MTUS2: variants seen among roughly 807,000 people sequenced by gnomAD.
MTUS2 encodes the protein microtubule associated scaffold protein 2.
A neutral mutation model predicts 114.1 loss-of-function variants in MTUS2; 40 were observed. The ratio of observed to expected loss-of-function variants is 0.35; its 90% CI spans 0.27 to 0.46. The LOEUF is 0.46. Ranked by LOEUF, MTUS2 falls within the 20% of genes least tolerant of loss-of-function variation. MTUS2 has a pLI of 1.00. For missense variants in MTUS2, 1,679 were observed against 1,705.4 expected, an observed-to-expected ratio of 0.98 and a Z score of 0.27; for synonymous variants, 688 against 672.0, an observed-to-expected ratio of 1.02 and a Z score of -0.37.
intron 3 of MTUS2, 120 bp downstream of exon 3, chr13:29,027,023 A>G: frequency 1.9e-6 from 2 of 1,074,156 alleles, no homozygotes; most frequent in East Asian, 5.2e-5. Context: ...TTTCATGGAT[A>G]CACTTGTGAA....
intron 5 of MTUS2, among the ~76,000 whole-genome samples, chr13:29,134,796 C>A (rs1322333529): frequency 6.6e-6 from 1 of 152,162 alleles, no homozygotes; most frequent in East Asian, 1.9e-4. Flanking sequence ...GGGGTTTCAC[C>A]ATTTTGGCCA....
chr13:28,997,079 G>T (rs1454809102), intron 2 of MTUS2, among the ~76,000 whole-genome samples: 1 of 152,120 alleles, frequency 6.6e-6, no homozygotes, highest in Non-Finnish European at 1.5e-5. Context: ...TGTCCCAGAG[G>T]TTCTGGTATG....
chr13:29,466,693 A>G (rs530223270), intron 9 of MTUS2, among the ~76,000 whole-genome samples: 3 of 152,144 alleles, frequency 2.0e-5, no homozygotes, highest in Admixed American at 1.3e-4. Context: ...CATAGGCAAC[A>G]TGGTGAAACC....
intron 9 of MTUS2, among the ~76,000 whole-genome samples, chr13:29,475,320 A>G (rs185421302): frequency 3.2e-4 from 49 of 152,384 alleles, no homozygotes; most frequent in Admixed American, 7.2e-4. Context: ...AATTATGTTT[A>G]GTACATAATA....
At chr13:29,343,500 A>C in intron 7 of MTUS2, among the ~76,000 whole-genome samples, 1 of 151,830 alleles carries the variant, frequency 6.6e-6, no homozygotes, top group African/African-American at 2.4e-5. Flanking sequence ...CAGTTATAGT[A>C]TCTCCTGTTT....
At chr13:28,870,279 TAAG>T (rs1877543519) in intron 2 of MTUS2, among the ~76,000 whole-genome samples, 1 of 152,198 alleles carries the variant, frequency 6.6e-6, no homozygotes, top group African/African-American at 2.4e-5. Context: ...CCTTAGATCT[TAAG>T]AAGGAATCCC....
intron 2 of MTUS2, among the ~76,000 whole-genome samples, chr13:28,924,577 A>G (rs1440566577): frequency 1.3e-5 from 2 of 152,180 alleles, no homozygotes; most frequent in African/African-American, 2.4e-5. Flanking sequence ...CTACGTGCAT[A>G]GGGAATAAAG....
intron 8 of MTUS2, among the ~76,000 whole-genome samples, chr13:29,392,231 T>C (rs898666557): frequency 2.6e-5 from 4 of 152,026 alleles, no homozygotes; most frequent in African/African-American, 7.2e-5. Context: ...CATTCCCCTC[T>C]TCCCGCAGCC....
chr13:29,379,114 A>G (rs1462408966), intron 8 of MTUS2, among the ~76,000 whole-genome samples: 1 of 152,214 alleles, frequency 6.6e-6, no homozygotes, highest in Non-Finnish European at 1.5e-5. Context: ...AGGCCTCCCC[A>G]GCCCTGCGGA....
chr13:29,154,580 G>T (rs1355996325), intron 5 of MTUS2, among the ~76,000 whole-genome samples: 1 of 152,168 alleles, frequency 6.6e-6, no homozygotes, highest in Non-Finnish European at 1.5e-5. Flanking sequence ...AGCTAACACT[G>T]GAATGCCAGA....
chr13:29,177,053 G>C (rs1476941443), intron 5 of MTUS2, among the ~76,000 whole-genome samples: 1 of 151,078 alleles, frequency 6.6e-6, no homozygotes, highest in African/African-American at 2.5e-5. Context: ...TCTCTTTCTA[G>C]ACTTGCTCAG....
chr13:29,453,747 C>T (rs1368125693), intron 9 of MTUS2, among the ~76,000 whole-genome samples: 2 of 144,222 alleles, frequency 1.4e-5, no homozygotes, highest in Admixed American at 1.4e-4. Context: ...GTTCTGTTTC[C>T]ATATGGCTAT....
intron 5 of MTUS2, among the ~76,000 whole-genome samples, chr13:29,177,515 T>C (rs969873313): frequency 1.3e-5 from 2 of 152,082 alleles, no homozygotes; most frequent in African/African-American, 4.8e-5. Flanking sequence ...ACTTCCCTAA[T>C]TGATCTCAGA....
At chr13:29,444,810 A>C (rs1196232175) in intron 9 of MTUS2, among the ~76,000 whole-genome samples, 1 of 152,142 alleles carries the variant, frequency 6.6e-6, no homozygotes, top group Non-Finnish European at 1.5e-5. Context: ...CAAAAGACAA[A>C]TTGTACCTGT....
intron 5 of MTUS2, among the ~76,000 whole-genome samples, chr13:29,276,766 T>G (rs1898079002): frequency 6.6e-6 from 1 of 151,950 alleles, no homozygotes; most frequent in African/African-American, 2.4e-5. Context: ...GCCATGGTGG[T>G]GGGCGCCTGT....
Position 29,340,040 on chromosome 13 carries a change from G to A in MTUS2, c.2905+15329G>A, listed in dbSNP as rs184060704. On this transcript the variant is annotated intron_variant, in intron 7 of 15. Transcript: ENST00000612955. ...GCCAAGTGTGCTGAGCTTGGTGACC[G>A]TTGGAATCAGGACGCCAGAAAGCGC... 1.6e-4 allele frequency among the ~76,000 whole-genome samples: 25 copies of A among 152,368 alleles called. No individual in the cohort carries two copies. The East Asian group carries it at 3.7e-3, about 22-fold the overall frequency.
At chr13:28,827,847 GTAA>G (rs1566161326) in intron 1 of MTUS2, among the ~76,000 whole-genome samples, 1 of 152,154 alleles carries the variant, frequency 6.6e-6, no homozygotes, top group African/African-American at 2.4e-5. Flanking sequence ...GCTTCACAAG[GTAA>G]TAAAATATCA....
At chr13:28,969,331 T>C (rs923554483) in intron 2 of MTUS2, among the ~76,000 whole-genome samples, 1 of 152,168 alleles carries the variant, frequency 6.6e-6, no homozygotes, top group Non-Finnish European at 1.5e-5. Context: ...TCTCAACATA[T>C]ACAGTGTATA....
chr13:29,385,483 G>C (rs1422359672), intron 8 of MTUS2, among the ~76,000 whole-genome samples: 1 of 152,188 alleles, frequency 6.6e-6, no homozygotes, highest in South Asian at 2.1e-4. Context: ...CTTTTCTTAG[G>C]TGTCTTCCTC....
Sources: allele counts gnomAD v4.1 joint callset (sites outside exome capture counted in the v4.1 genomes callset), GRCh38; gene constraint gnomAD v4.1.1; transcripts MANE v1.5; gene names NCBI Gene and HGNC (gene_info 2026-07-23, HGNC 2026-07-21).